Variants in NINL observed in about 807,000 individuals in gnomAD.
NINL encodes ninein like, also known as ninein-like protein.
In NINL, 153 loss-of-function variants were observed where a neutral mutation model predicts 160.3. The observed-to-expected ratio is 0.95, with a 90% CI of 0.84 to 1.09. The LOEUF is 1.09. NINL is among the 50% of genes least tolerant of loss of function. The pLI is 0.00. For synonymous variants in NINL, 800 were observed against 734.8 expected (o/e 1.09, Z -1.43); for missense variants, 1,829 against 1,764.0 (o/e 1.04, Z -0.66).
chr20:25,489,147 C>T (rs2063565480), intron 13 of NINL, 97 bp downstream of exon 13: 1 of 1,171,310 alleles, frequency 8.5e-7, no homozygotes, highest in Non-Finnish European at 1.3e-6. Flanking sequence ...CAGAGGCTCT[C>T]CCTGGAGCAG....
chr20:25,454,905 A>G (rs1226352746), intron 23 of NINL, among the ~76,000 whole-genome samples: 1 of 152,110 alleles, frequency 6.6e-6, no homozygotes, highest in Non-Finnish European at 1.5e-5. Context: ...TAAAAGATAG[A>G]TCCTGTCATG....
intron 1 of NINL, among the ~76,000 whole-genome samples, chr20:25,527,926 G>A (rs2064387668): frequency 6.6e-6 from 1 of 152,070 alleles, no homozygotes; most frequent in Admixed American, 6.6e-5. Flanking sequence ...ATTTATATAA[G>A]GACAGGAAAG....
rs1473714741 is a variant in NINL, at chr20:25,452,809, T to A, written c.*642A>T. On this transcript the variant is annotated 3_prime_UTR_variant, in exon 24 of 24. Coordinates refer to ENST00000278886, the MANE Select transcript of NINL (RefSeq NM_025176.6). ...TGCATACATTTCAAATATAAAACTATACTTTTTTTTTTTTTTACATATAGT... is the reference window on the plus strand; with the variant it reads ...TGCATACATTTCAAATATAAAACTAAACTTTTTTTTTTTTTTACATATAGT... The A allele has an allele frequency of 7.6e-6, 1 of 131,004 alleles. No homozygotes were observed. The highest frequency in any genetic ancestry group is 1.6e-5 in the Non-Finnish European group (1 of 61,380). 8.1% of individuals were successfully genotyped at this position (131,004 alleles called of 1,614,324 possible).
intron 13 of NINL, among the ~76,000 whole-genome samples, chr20:25,488,424 C>T (rs1229422874): frequency 1.3e-5 from 2 of 152,118 alleles, no homozygotes; most frequent in African/African-American, 4.8e-5. Context: ...TGGGGTTTCA[C>T]CATCTTGGCC....
chr20:25,489,187 G>T, intron 13 of NINL, 57 bp downstream of exon 13: 1 of 1,490,796 alleles, frequency 6.7e-7, no homozygotes, highest in Non-Finnish European at 9.4e-7. Flanking sequence ...GACCACCTGC[G>T]TGTGGAGACC....
At position 25,553,303 on chromosome 20, in the gene NINL, C is replaced by CA. The variant is rs1004601921; in HGVS notation, c.-11-26706dup. On this transcript the variant is annotated intron_variant, in intron 1 of 23. Coordinates refer to ENST00000278886, the MANE Select transcript of NINL (RefSeq NM_025176.6). ...GTAATTGGCTTCAGACATACTGTTA[C>CA]AAAAAAAACCGAAAACAAAAACAAA... 2.7e-5 allele frequency among the ~76,000 whole-genome samples: 4 copies of CA among 150,922 alleles called. No individual in the cohort carries two copies. The East Asian group carries it at 5.9e-4, about 22-fold the overall frequency.
chr20:25,457,304 C>A (rs935792052), intron 22 of NINL, among the ~76,000 whole-genome samples: 1 of 152,196 alleles, frequency 6.6e-6, no homozygotes, highest in Admixed American at 6.5e-5. Flanking sequence ...AGCCTGGCAA[C>A]AGAGTCAGAC....
At chr20:25,550,490 G>A (rs533649072) in intron 1 of NINL, among the ~76,000 whole-genome samples, 5 of 152,098 alleles carry the variant, frequency 3.3e-5, no homozygotes, top group East Asian at 1.9e-4. Context: ...GACCTGCACC[G>A]GCACTGGTCT....
At chr20:25,491,263 G>T in intron 11 of NINL, 88 bp downstream of exon 11, 1 of 1,455,128 alleles carries the variant, frequency 6.9e-7, no homozygotes, top group Non-Finnish European at 9.3e-7. Flanking sequence ...TGGCAGGTGT[G>T]GATCTGGATC....
At chr20:25,537,377 C>T (rs899430005) in intron 1 of NINL, among the ~76,000 whole-genome samples, 3 of 152,346 alleles carry the variant, frequency 2.0e-5, no homozygotes, top group South Asian at 2.1e-4. Flanking sequence ...GCCACCACAT[C>T]GGCCTGAATG....
intron 1 of NINL, among the ~76,000 whole-genome samples, chr20:25,561,451 C>T (rs1336990065): frequency 6.6e-6 from 1 of 152,210 alleles, no homozygotes; most frequent in Admixed American, 6.5e-5. Flanking sequence ...TGCCCGGCCG[C>T]TACCCCGTCT....
intron 1 of NINL, among the ~76,000 whole-genome samples, chr20:25,573,350 T>C (rs2065077186): frequency 6.6e-6 from 1 of 152,144 alleles, no homozygotes; most frequent in African/African-American, 2.4e-5. Flanking sequence ...AAATCTATGC[T>C]GAAAAATCCT....
intron 1 of NINL, among the ~76,000 whole-genome samples, chr20:25,554,647 A>C (rs1186533138): frequency 2.9e-4 from 44 of 151,094 alleles, no homozygotes; most frequent in Admixed American, 2.0e-3. Context: ...AAAAAAAAAA[A>C]AAAAAAAAAA....
At chr20:25,557,782 A>G (rs2064885853) in intron 1 of NINL, among the ~76,000 whole-genome samples, 1 of 152,174 alleles carries the variant, frequency 6.6e-6, no homozygotes, top group Non-Finnish European at 1.5e-5. Context: ...ATCTAGATGT[A>G]TAAAAAGTAA....
At chr20:25,459,305 C>T (rs1034546681) in intron 21 of NINL, among the ~76,000 whole-genome samples, 11 of 152,182 alleles carry the variant, frequency 7.2e-5, no homozygotes, top group Admixed American at 1.3e-4. Flanking sequence ...CTGCCAGGTC[C>T]GGCTTCCCTT....
At chr20:25,578,716 C>T (rs1251048857) in intron 1 of NINL, among the ~76,000 whole-genome samples, 1 of 150,684 alleles carries the variant, frequency 6.6e-6, no homozygotes, top group Non-Finnish European at 1.5e-5. Flanking sequence ...TGGCGTGAAC[C>T]TGGGAGGTGG....
chr20:25,522,795 C>G (rs915581398), intron 2 of NINL, among the ~76,000 whole-genome samples: 3 of 152,176 alleles, frequency 2.0e-5, no homozygotes, highest in African/African-American at 7.2e-5. Flanking sequence ...TCCTTCTTTA[C>G]AGTTCACAAA....
At chr20:25,486,537 A>G (rs1158665085) in intron 13 of NINL, among the ~76,000 whole-genome samples, 6 of 152,180 alleles carry the variant, frequency 3.9e-5, no homozygotes, top group Admixed American at 3.9e-4. Context: ...GCAGCACACC[A>G]TCTGGACCCC....
At chr20:25,498,124 C>CT in intron 9 of NINL, 86 bp downstream of exon 9, 1 of 1,506,144 alleles carries the variant, frequency 6.6e-7, no homozygotes, top group South Asian at 1.2e-5. Flanking sequence ...TAAGAGCTGA[C>CT]TGGTGTCCTT....
Sources: allele counts gnomAD v4.1 joint callset (sites outside exome capture counted in the v4.1 genomes callset), GRCh38; gene constraint gnomAD v4.1.1; transcripts MANE v1.5; gene names NCBI Gene and HGNC (gene_info 2026-07-23, HGNC 2026-07-21).